The following DHX35 variants were observed in gnomAD, a reference collection of about 807,000 sequenced individuals.
DHX35 encodes the protein probable ATP-dependent RNA helicase DHX35.
In DHX35, 84 loss-of-function variants were observed where a neutral mutation model predicts 99.6. The ratio of observed to expected loss-of-function variants is 0.84; its 90% CI spans 0.71 to 1.01. The LOEUF (loss-of-function observed/expected upper bound fraction) is 1.01, where lower values mean the gene tolerates loss of function less well. Among genes scored for constraint, DHX35 ranks in the 50% least tolerant of loss-of-function variants. The probability of loss-of-function intolerance (pLI) is 0.00; values close to 1 mark genes in which losing one functional copy is unlikely to be tolerated. For synonymous variants in DHX35, 331 were observed against 316.2 expected (o/e 1.05, Z -0.50); for missense variants, 852 against 888.5 (o/e 0.96, Z 0.52).
At chr20:39,004,623 G>A (rs1035673984) in intron 11 of DHX35, among the ~76,000 whole-genome samples, 1 of 152,166 alleles carries the variant, frequency 6.6e-6, no homozygotes, top group Non-Finnish European at 1.5e-5. Flanking sequence ...TTAATTCAAG[G>A]TGTGGCTTAA....
intron 12 of DHX35, among the ~76,000 whole-genome samples, chr20:39,009,888 G>T (rs2086672480): frequency 6.6e-6 from 1 of 152,112 alleles, no homozygotes; most frequent in Non-Finnish European, 1.5e-5. Flanking sequence ...TTGTATTTTG[G>T]TGATTTATCT....
At chr20:38,966,434 T>C (rs2085912264) in intron 1 of DHX35, among the ~76,000 whole-genome samples, 1 of 152,028 alleles carries the variant, frequency 6.6e-6, no homozygotes, top group South Asian at 2.1e-4. Context: ...CTTCGGGAGG[T>C]CGAGGTGGGT....
intron 18 of DHX35, among the ~76,000 whole-genome samples, chr20:39,025,897 A>C (rs1406283523): frequency 2.0e-5 from 3 of 152,198 alleles, no homozygotes; most frequent in Non-Finnish European, 4.4e-5. Context: ...GGGTTCTCCA[A>C]ATATTCTCTT....
chr20:39,014,812 A>T, intron 13 of DHX35, 68 bp from the exon 14 acceptor site: 2 of 1,590,356 alleles, frequency 1.3e-6, no homozygotes, highest in Non-Finnish European at 1.7e-6. Flanking sequence ...TTTGAAAAGG[A>T]AACAGCCACA....
At position 39,022,401 on chromosome 20, in the gene DHX35, C is replaced by T. The variant is rs920477970; in HGVS notation, c.1593+466C>T. Among the ~76,000 whole-genome samples the T allele has an allele frequency of 3.9e-5, 6 of 152,134 alleles. No individual in the cohort carries two copies. In the East Asian group the frequency reaches 5.8e-4, roughly 15 times the overall value. On this transcript the variant is annotated intron_variant, in intron 16 of 21. Coordinates refer to ENST00000252011, the MANE Select transcript of DHX35 (RefSeq NM_021931.4). ...CTCGAACTCCTGACCTCAGGTGATCCGCCCTTGACCTCCCAAAGTGCTGGT... is the reference window on the plus strand; with the variant it reads ...CTCGAACTCCTGACCTCAGGTGATCTGCCCTTGACCTCCCAAAGTGCTGGT...
At chr20:38,978,149 AG>A in intron 3 of DHX35, 1 of 840,216 alleles carries the variant, frequency 1.2e-6, no homozygotes, top group Non-Finnish European at 2.1e-6. Flanking sequence ...ATTATTTCAA[AG>A]CCCCTAAGGG....
intron 21 of DHX35, among the ~76,000 whole-genome samples, chr20:39,036,607 T>G (rs1600464454): frequency 1.3e-5 from 2 of 150,604 alleles, no homozygotes; most frequent in East Asian, 3.9e-4. Context: ...GTGCCTGTAA[T>G]CCCAGCTACT....
intron 11 of DHX35, among the ~76,000 whole-genome samples, 170 bp from the exon 12 acceptor site, chr20:39,005,976 C>T (rs2086609095): frequency 6.6e-6 from 1 of 152,132 alleles, no homozygotes; most frequent in Non-Finnish European, 1.5e-5. Context: ...AGGGAGAATT[C>T]AAACCCAGGG....
chr20:39,016,788 TG>T (rs1222260719), intron 14 of DHX35, among the ~76,000 whole-genome samples: 1 of 152,146 alleles, frequency 6.6e-6, no homozygotes, highest in African/African-American at 2.4e-5. Context: ...CACCTTTTCG[TG>T]TGCTTGCTGC....
chr20:38,986,416 A>G lies in DHX35; in HGVS notation c.346-2397A>G, dbSNP rs118070072. Reference sequence around the variant, plus strand: ...TACTTTTTATAGCAAATGTATTCAAATAGTGAAGGAGTAAGAATAAACAGG... The same window carrying G: ...TACTTTTTATAGCAAATGTATTCAAGTAGTGAAGGAGTAAGAATAAACAGG... On this transcript the variant is annotated intron_variant, in intron 4 of 21. Coordinates refer to ENST00000252011, the MANE Select transcript of DHX35 (RefSeq NM_021931.4). Among the ~76,000 whole-genome samples, 174 of 152,336 alleles carry G rather than the reference A, an allele frequency of 1.1e-3. 1 individual carries two copies. In the East Asian group the frequency reaches 0.032, roughly 28 times the overall value.
chr20:39,009,427 A>G (rs755586080), intron 12 of DHX35, among the ~76,000 whole-genome samples: 1 of 149,468 alleles, frequency 6.7e-6, no homozygotes, highest in Admixed American at 6.6e-5. Context: ...TTTTTCCTCT[A>G]GTTAACTAAA....
chr20:38,969,301 T>C (rs534201512), intron 2 of DHX35, 87 bp downstream of exon 2: 3 of 1,444,350 alleles, frequency 2.1e-6, no homozygotes, highest in East Asian at 2.3e-5. Flanking sequence ...AATGATGGCC[T>C]CTTTCTAGAA....
chr20:38,991,073 G>C (rs766994923), intron 5 of DHX35, among the ~76,000 whole-genome samples: 2 of 152,186 alleles, frequency 1.3e-5, no homozygotes, highest in Non-Finnish European at 2.9e-5. Flanking sequence ...GCAATCTATA[G>C]TCTTTGGGAC....
At chr20:39,014,448 G>A (rs1288776254) in intron 13 of DHX35, among the ~76,000 whole-genome samples, 2 of 152,154 alleles carry the variant, frequency 1.3e-5, no homozygotes, top group Non-Finnish European at 2.9e-5. Context: ...CCCACCACGG[G>A]GCCTGGAGTG....
chr20:38,968,083 G>T (rs912395903), intron 1 of DHX35, among the ~76,000 whole-genome samples: 5 of 152,202 alleles, frequency 3.3e-5, no homozygotes, highest in Non-Finnish European at 5.9e-5. Context: ...GTGAGGGTAG[G>T]GCTGGCATCT....
chr20:38,992,066 G>T (rs924107801), intron 6 of DHX35, among the ~76,000 whole-genome samples: 2 of 152,136 alleles, frequency 1.3e-5, no homozygotes, highest in African/African-American at 4.8e-5. Context: ...TGGGGTTATA[G>T]GTTGGTTATG....
At chr20:39,025,451 G>GT in intron 18 of DHX35, 92 bp downstream of exon 18, 1 of 1,498,100 alleles carries the variant, frequency 6.7e-7, no homozygotes, top group South Asian at 1.3e-5. Flanking sequence ...GTGCGAGGCA[G>GT]TGTGGCGTGC....
At chr20:39,012,132 C>T (rs2086712079) in intron 13 of DHX35, among the ~76,000 whole-genome samples, 1 of 152,144 alleles carries the variant, frequency 6.6e-6, no homozygotes, top group African/African-American at 2.4e-5. Flanking sequence ...CCTGTAGTCC[C>T]AGCTACTTGG....
At chr20:38,984,895 CT>C (rs552878621) in intron 4 of DHX35, among the ~76,000 whole-genome samples, 646 of 137,182 alleles carry the variant, frequency 4.7e-3, no homozygotes, top group Admixed American at 5.5e-3. Flanking sequence ...TATCATTCAG[CT>C]TTTTTTTTTT....
Sources: allele counts gnomAD v4.1 joint callset (sites outside exome capture counted in the v4.1 genomes callset), GRCh38; gene constraint gnomAD v4.1.1; transcripts MANE v1.5; gene names NCBI Gene and HGNC (gene_info 2026-07-23, HGNC 2026-07-21).